AGBL1: variants seen among roughly 807,000 people sequenced by gnomAD.
The protein encoded by AGBL1 is cytosolic carboxypeptidase 4.
Under a neutral mutation model 118.9 loss-of-function variants are expected in AGBL1, and 130 were observed. The ratio of observed to expected loss-of-function variants is 1.09; its 90% confidence interval spans 0.95 to 1.26. The LOEUF (loss-of-function observed/expected upper bound fraction) is 1.26, where lower values mean the gene tolerates loss of function less well. AGBL1 is among the 50% of genes most tolerant of loss of function. The pLI is 0.00. For missense variants in AGBL1, 1,584 were observed against 1,298.1 expected, an observed-to-expected ratio of 1.22 and a Z score of -3.38; for synonymous variants, 555 against 478.9, an observed-to-expected ratio of 1.16 and a Z score of -2.08.
At chr15:86,516,349 C>T (rs192020944) in intron 18 of AGBL1, among the ~76,000 whole-genome samples, 1 of 152,228 alleles carries the variant, frequency 6.6e-6, no homozygotes, top group Admixed American at 6.5e-5. Context: ...TTGACTTTTC[C>T]CTTTAGCTTA....
At position 86,356,353 on chromosome 15, in the gene AGBL1, TGTGC is replaced by T. The variant is rs1164811209; in HGVS notation, c.2375-41011_2375-41008del. On this transcript the variant is annotated intron_variant, in intron 17 of 22. Coordinates refer to ENST00000614907, the MANE Select transcript of AGBL1 (RefSeq NM_001386094.1). ...AGATAGACGTGTGTGTGTGTGTGTG[TGTGC>T]GCGTGCGCCCGCACGCACGCGCATG... Among the ~76,000 whole-genome samples, 3 of 151,192 alleles carry T rather than the reference TGTGC, an allele frequency of 2.0e-5. No individual in the cohort carries two copies. In the East Asian group the frequency reaches 5.9e-4, roughly 30 times the overall value.
At chr15:86,874,289 T>C (rs1341608357) in intron 22 of AGBL1, among the ~76,000 whole-genome samples, 6 of 152,024 alleles carry the variant, frequency 3.9e-5, no homozygotes, top group Non-Finnish European at 8.8e-5. Flanking sequence ...AGTCAGATTT[T>C]TAAGAAAAAT....
chr15:86,162,992 A>G (rs1365329123), intron 5 of AGBL1, among the ~76,000 whole-genome samples: 1 of 152,216 alleles, frequency 6.6e-6, no homozygotes, highest in Non-Finnish European at 1.5e-5. Context: ...TTCTTTCGAC[A>G]TGCATTCTAT....
At chr15:86,952,582 C>T (rs972165290) in intron 23 of AGBL1, among the ~76,000 whole-genome samples, 8 of 151,990 alleles carry the variant, frequency 5.3e-5, no homozygotes, top group Non-Finnish European at 7.4e-5. Context: ...TCTGGATGTT[C>T]GAACTTTGTC....
rs551893796 is a variant in AGBL1 at position 86,204,930 on chromosome 15, A to C, written c.489-19984A>C. 6.6e-5 allele frequency among the ~76,000 whole-genome samples: 10 copies of C among 152,192 alleles called. No homozygotes were observed. The East Asian group carries it at 1.9e-3, about 29-fold the overall frequency. On this transcript the variant is annotated intron_variant, in intron 5 of 22. Coordinates refer to ENST00000614907, the MANE Select transcript of AGBL1 (RefSeq NM_001386094.1). ...TACATTGGCACTTCATTGTCACCCA[A>C]AGTCCATAGTTTACATCAGAGCTGA...
intron 1 of AGBL1, among the ~76,000 whole-genome samples, chr15:86,087,112 G>C (rs759891394): frequency 3.3e-5 from 5 of 152,170 alleles, no homozygotes; most frequent in Admixed American, 6.5e-5. Flanking sequence ...GAAAGCACTG[G>C]ATATTACTCC....
chr15:86,254,679 G>C (rs1312700581), intron 7 of AGBL1, among the ~76,000 whole-genome samples: 1 of 152,108 alleles, frequency 6.6e-6, no homozygotes, highest in Non-Finnish European at 1.5e-5. Context: ...CCTATTTCCT[G>C]GAGTCTTGTC....
chr15:87,030,717 A>C (rs2081775262), downstream of AGBL1, among the ~76,000 whole-genome samples: 1 of 151,976 alleles, frequency 6.6e-6, no homozygotes, highest in Non-Finnish European at 1.5e-5. Flanking sequence ...TGCTAACTAT[A>C]TTGAGCACAT....
At chr15:87,017,331 A>G (rs974057002) in intron 24 of AGBL1, among the ~76,000 whole-genome samples, 2 of 152,114 alleles carry the variant, frequency 1.3e-5, no homozygotes, top group African/African-American at 4.8e-5. Flanking sequence ...TCCAGATTGG[A>G]TGAGACTTCT....
At chr15:86,984,043 A>G (rs1005947370) in intron 23 of AGBL1, among the ~76,000 whole-genome samples, 15 of 152,184 alleles carry the variant, frequency 9.9e-5, no homozygotes, top group African/African-American at 3.6e-4. Context: ...CTCTTGGATA[A>G]GTACCCAGGG....
chr15:86,651,222 C>T (rs2085362945), intron 21 of AGBL1, among the ~76,000 whole-genome samples: 1 of 152,100 alleles, frequency 6.6e-6, no homozygotes, highest in Non-Finnish European at 1.5e-5. Flanking sequence ...TCATTTTTAA[C>T]CAGTGTTATT....
intron 23 of AGBL1, among the ~76,000 whole-genome samples, chr15:86,955,964 C>T (rs1567258145): frequency 1.3e-5 from 2 of 152,042 alleles, no homozygotes; most frequent in Non-Finnish European, 2.9e-5. Context: ...AATAGTCTAG[C>T]ATTTTGGAAT....
intron 22 of AGBL1, among the ~76,000 whole-genome samples, chr15:86,758,808 C>CA (rs1433141958): frequency 2.6e-5 from 4 of 151,056 alleles, no homozygotes; most frequent in Non-Finnish European, 5.9e-5. Flanking sequence ...CCTGTCTCTA[C>CA]AAAAAAATAC....
At chr15:86,788,745 T>A (rs1299763927) in intron 22 of AGBL1, among the ~76,000 whole-genome samples, 1 of 152,162 alleles carries the variant, frequency 6.6e-6, no homozygotes, top group Non-Finnish European at 1.5e-5. Flanking sequence ...TGAAAAGTGT[T>A]GAGGAATGGA....
chr15:86,624,895 A>T (rs2084860866), intron 21 of AGBL1, among the ~76,000 whole-genome samples: 1 of 152,126 alleles, frequency 6.6e-6, no homozygotes, highest in South Asian at 2.1e-4. Flanking sequence ...CTGCTCAAAA[A>T]TCATCTAGAA....
intron 7 of AGBL1, among the ~76,000 whole-genome samples, chr15:86,251,820 T>TG (rs1555455885): frequency 0.017 from 1,785 of 103,782 alleles, 46 homozygotes; most frequent in African/African-American, 0.092. Flanking sequence ...AATGCAAGAT[T>TG]GAAAAAAAAA....
At chr15:86,186,285 C>A (rs1265800979) in intron 5 of AGBL1, among the ~76,000 whole-genome samples, 1 of 152,130 alleles carries the variant, frequency 6.6e-6, no homozygotes, top group African/African-American at 2.4e-5. Flanking sequence ...GACTTAATAC[C>A]TAGGTGATGG....
chr15:86,157,944 A>G (rs758993774), intron 4 of AGBL1, among the ~76,000 whole-genome samples: 12 of 152,190 alleles, frequency 7.9e-5, no homozygotes, highest in Non-Finnish European at 1.5e-4. Flanking sequence ...CCATGTTAGA[A>G]TCAGTGCTTT....
chr15:86,341,239 T>C (rs922790845), intron 17 of AGBL1, among the ~76,000 whole-genome samples: 1 of 152,188 alleles, frequency 6.6e-6, no homozygotes, highest in African/African-American at 2.4e-5. Flanking sequence ...TGGAATGTTA[T>C]TATGTAAAAA....
Sources: gnomAD v4.1 joint callset for allele counts (sites outside exome capture counted in the v4.1 genomes callset) on GRCh38, gnomAD v4.1.1 for gene constraint, MANE v1.5 for transcripts, NCBI Gene and HGNC (gene_info 2026-07-23, HGNC 2026-07-21) for gene names.